BANP: variants seen among roughly 807,000 people sequenced by gnomAD.
BANP encodes the protein protein BANP.
A neutral mutation model predicts 68.1 loss-of-function variants in BANP; 11 were observed. The observed-to-expected ratio is 0.16, with a 90% CI of 0.10 to 0.27. The LOEUF is 0.27. Ranked by LOEUF, BANP falls within the 10% of genes least tolerant of loss-of-function variation. BANP has a pLI of 1.00. For synonymous variants in BANP, 329 were observed against 303.2 expected, an observed-to-expected ratio of 1.09 and a Z score of -0.88; for missense variants, 504 against 722.7, an observed-to-expected ratio of 0.70 and a Z score of 3.47.
At chr16:87,969,270 T>C (rs1165971896) in intron 1 of BANP, among the ~76,000 whole-genome samples, 1 of 152,146 alleles carries the variant, frequency 6.6e-6, no homozygotes, top group Non-Finnish European at 1.5e-5. Flanking sequence ...TGTATGTAGG[T>C]CTTTGCACAC....
intron 11 of BANP, among the ~76,000 whole-genome samples, chr16:88,047,070 AAG>A (rs1201664727): frequency 7.3e-6 from 1 of 136,398 alleles, no homozygotes; most frequent in Non-Finnish European, 1.5e-5. Context: ...CGTCTCAAAA[AAG>A]AAAAAAAAAA....
At chr16:88,061,884 C>T (rs989228792) in intron 11 of BANP, among the ~76,000 whole-genome samples, 4 of 152,070 alleles carry the variant, frequency 2.6e-5, no homozygotes, top group African/African-American at 9.7e-5. Context: ...AGGCTGGTCT[C>T]CCAACCTCAG....
In BANP at chr16:88,009,360, T is replaced by C. The variant is rs146933279; in HGVS notation, c.655+3095T>C. Among the ~76,000 whole-genome samples, 1,362 of 152,364 alleles carry C rather than the reference T, an allele frequency of 8.9e-3. 15 individuals are homozygous for C. Among genetic ancestry groups the C allele is most frequent in the African/African-American group, 0.03 (1,254 of 41,584 alleles). ...GGAGCCGCAGGAGACAGATTGTTCT[T>C]AGCTTCTTATTTAAGTATTTAAGTG... On this transcript the variant is annotated intron_variant, in intron 6 of 13. Coordinates refer to ENST00000682872, the MANE Select transcript of BANP (RefSeq NM_001386991.1).
chr16:88,045,001 T>A (rs2152800743), intron 11 of BANP, among the ~76,000 whole-genome samples: 1 of 152,192 alleles, frequency 6.6e-6, no homozygotes, highest in South Asian at 2.1e-4. Flanking sequence ...AAATTTACAA[T>A]TATATAAAGT....
At position 88,068,300 on chromosome 16, in the gene BANP, C is replaced by T. The variant is rs78952185; in HGVS notation, c.1377+2968C>T. Among the ~76,000 whole-genome samples the T allele has an allele frequency of 2.9e-3, 448 of 152,330 alleles. 4 individuals are homozygous for T. The highest frequency in any genetic ancestry group is 0.01 in the African/African-American group (427 of 41,576). On this transcript the variant is annotated intron_variant, in intron 12 of 13. Transcript: ENST00000682872. ...TCACCTGGTTGGCGTGAACCTTGGG[C>T]GTGCGCCAGGGTCCCTGTGCTGTCG...
intron 6 of BANP, among the ~76,000 whole-genome samples, chr16:88,010,969 TG>T (rs1471316516): frequency 4.0e-5 from 6 of 149,182 alleles, no homozygotes; most frequent in African/African-American, 1.5e-4. Flanking sequence ...GTGCTGTATG[TG>T]TGAGGTAACA....
intron 4 of BANP, among the ~76,000 whole-genome samples, chr16:87,998,492 C>T (rs1349783932): frequency 2.0e-5 from 3 of 152,232 alleles, no homozygotes; most frequent in African/African-American, 4.8e-5. Flanking sequence ...AAGGTGCTGC[C>T]GACCCGGCTC....
intron 11 of BANP, among the ~76,000 whole-genome samples, chr16:88,056,369 T>C (rs2085017056): frequency 6.6e-6 from 1 of 152,246 alleles, no homozygotes. Context: ...CTTGGGACAC[T>C]GTCTGTGGTT....
chr16:88,043,106 G>A (rs550507135), intron 11 of BANP, among the ~76,000 whole-genome samples: 2 of 152,186 alleles, frequency 1.3e-5, no homozygotes, highest in Non-Finnish European at 2.9e-5. Context: ...AGCAGAGCCC[G>A]TGTGTGTGGA....
intron 12 of BANP, among the ~76,000 whole-genome samples, chr16:88,070,529 CCCGAGGCTGGTGT>C (rs1203463368): frequency 6.6e-6 from 1 of 152,084 alleles, no homozygotes; most frequent in Non-Finnish European, 1.5e-5. Context: ...GAGGCTGGTC[CCCGAGGCTGGTGT>C]GCTCGCAAGT....
At chr16:88,072,914 GGTGGTT>G (rs2152924648) in intron 13 of BANP, among the ~76,000 whole-genome samples, 1 of 152,362 alleles carries the variant, frequency 6.6e-6, no homozygotes, top group South Asian at 2.1e-4. Context: ...CCTCCAGCCT[GGTGGTT>G]GGCTGCTGCC....
chr16:88,056,365 A>C (rs1289364745), intron 11 of BANP, among the ~76,000 whole-genome samples: 1 of 152,126 alleles, frequency 6.6e-6, no homozygotes, highest in African/African-American at 2.4e-5. Flanking sequence ...ATTTCTTGGG[A>C]CACTGTCTGT....
At chr16:87,972,429 T>G (rs2061295580) in intron 1 of BANP, among the ~76,000 whole-genome samples, 1 of 149,734 alleles carries the variant, frequency 6.7e-6, no homozygotes, top group Non-Finnish European at 1.5e-5. Flanking sequence ...TAGTTTTTTT[T>G]TTCTTTTTAG....
chr16:88,032,312 C>G (rs2078365880), intron 8 of BANP, among the ~76,000 whole-genome samples: 1 of 151,970 alleles, frequency 6.6e-6, no homozygotes, highest in African/African-American at 2.4e-5. Context: ...AGTGATTCTC[C>G]TGCCTCAGCC....
intron 11 of BANP, among the ~76,000 whole-genome samples, chr16:88,056,424 C>G (rs965953677): frequency 6.6e-6 from 1 of 151,224 alleles, no homozygotes; most frequent in Admixed American, 6.6e-5. Context: ...CCAGGACAAG[C>G]TGGACAAAGT....
chr16:88,075,445 G>T lies in BANP; in HGVS notation c.1522-1145G>T, dbSNP rs192840732. ...TTGGGCCCATGAGGTCGAGGCGGCCGTGAGGTGTGCTTGCACTACTGCACT... is the reference window on the plus strand; with the variant it reads ...TTGGGCCCATGAGGTCGAGGCGGCCTTGAGGTGTGCTTGCACTACTGCACT... On this transcript the variant is annotated intron_variant, in intron 13 of 13. Coordinates refer to ENST00000682872, the MANE Select transcript of BANP (RefSeq NM_001386991.1). Among the ~76,000 whole-genome samples, 9 of 152,298 alleles carry T rather than the reference G, an allele frequency of 5.9e-5. No homozygotes were observed. The East Asian group carries it at 1.7e-3, about 30-fold the overall frequency.
chr16:88,065,864 C>T (rs2088410702), intron 12 of BANP, among the ~76,000 whole-genome samples: 1 of 152,100 alleles, frequency 6.6e-6, no homozygotes, highest in Non-Finnish European at 1.5e-5. Flanking sequence ...GATCCCAGCC[C>T]CACAGTGTCC....
At chr16:88,016,713 C>T (rs866590188) in intron 6 of BANP, among the ~76,000 whole-genome samples, 11 of 152,212 alleles carry the variant, frequency 7.2e-5, no homozygotes, top group African/African-American at 1.7e-4. Context: ...CTTGAGGTCA[C>T]GTGTTTCCGT....
chr16:88,066,388 G>A (rs963371373), intron 12 of BANP, among the ~76,000 whole-genome samples: 35 of 152,156 alleles, frequency 2.3e-4, no homozygotes, highest in African/African-American at 8.0e-4. Flanking sequence ...TCTCTGTGGC[G>A]CTGCTGCTGC....
Sources: gnomAD v4.1 joint callset for allele counts (sites outside exome capture counted in the v4.1 genomes callset) on GRCh38, gnomAD v4.1.1 for gene constraint, MANE v1.5 for transcripts, NCBI Gene and HGNC (gene_info 2026-07-23, HGNC 2026-07-21) for gene names.